The following ARMH4 variants were observed in gnomAD, a reference collection of about 807,000 sequenced individuals.
The protein encoded by ARMH4 is armadillo like helical domain containing 4, also known as armadillo-like helical domain-containing protein 4.
ARMH4 carries 49 observed loss-of-function variants against 61.9 expected under a neutral mutation model. The ratio of observed to expected loss-of-function variants is 0.79; its 90% CI spans 0.63 to 1.00. ARMH4 has a LOEUF of 1.00. Ranked by LOEUF, ARMH4 falls within the 50% of genes least tolerant of loss-of-function variation. The pLI, the probability that ARMH4 is intolerant of heterozygous loss-of-function variation, is 0.00. For synonymous variants in ARMH4, 368 were observed against 341.5 expected (o/e 1.08, Z -0.85); for missense variants, 934 against 930.0 (o/e 1.00, Z -0.06).
intron 5 of ARMH4, among the ~76,000 whole-genome samples, chr14:58,083,909 G>A (rs968164692): frequency 2.6e-5 from 4 of 152,070 alleles, no homozygotes; most frequent in Non-Finnish European, 4.4e-5. Flanking sequence ...CATTAATAAC[G>A]AGTTAAATAA....
chr14:58,065,489 C>A (rs971552381), intron 5 of ARMH4, among the ~76,000 whole-genome samples: 1 of 152,214 alleles, frequency 6.6e-6, no homozygotes, highest in Non-Finnish European at 1.5e-5. Context: ...ATACAGCATA[C>A]CCTCGACAGA....
intron 5 of ARMH4, among the ~76,000 whole-genome samples, chr14:58,053,621 C>T (rs1242782681): frequency 6.6e-6 from 1 of 152,168 alleles, no homozygotes; most frequent in Non-Finnish European, 1.5e-5. Context: ...ACCTAATATC[C>T]TTTATAGAAC....
intron 5 of ARMH4, among the ~76,000 whole-genome samples, chr14:58,015,565 A>C (rs990367656): frequency 6.6e-6 from 1 of 152,154 alleles, no homozygotes; most frequent in Non-Finnish European, 1.5e-5. Context: ...ATATTTATTT[A>C]AGTGAGTTCA....
chr14:58,062,047 G>A (rs1232323840), intron 5 of ARMH4, among the ~76,000 whole-genome samples: 2 of 152,008 alleles, frequency 1.3e-5, no homozygotes, highest in African/African-American at 4.8e-5. Context: ...CACTTAAGAA[G>A]AGCAAAGGTG....
At chr14:58,066,974 C>G (rs1884725226) in intron 5 of ARMH4, among the ~76,000 whole-genome samples, 1 of 152,028 alleles carries the variant, frequency 6.6e-6, no homozygotes, top group Non-Finnish European at 1.5e-5. Flanking sequence ...TTAGAGTGAC[C>G]TGATACAAAA....
chr14:58,104,048 C>T (rs1439209653), intron 4 of ARMH4, among the ~76,000 whole-genome samples: 2 of 152,194 alleles, frequency 1.3e-5, no homozygotes, highest in Non-Finnish European at 2.9e-5. Context: ...CCTAGCCCAA[C>T]AAGAAGGCTG....
In ARMH4 at chr14:58,096,769, G is replaced by C; in HGVS notation, c.2044C>G (p.Gln682Glu). 1 of 1,614,074 alleles carries C rather than the reference G, an allele frequency of 6.2e-7. No homozygotes were observed. Among genetic ancestry groups the C allele is most frequent in the South Asian group, 1.1e-5 (1 of 91,074 alleles). ...TCCCACTCGAGGGCATCTGGCACCT[G>C]GTAGGTAGCTCCCTCCAACAGGTCC... is the stretch of plus-strand genomic sequence containing the variant. ...NMDLLEGATY[Q>E]VPDALEWEQQ... The change falls in exon 5 of 8, where the codon CAG becomes GAG. Residue 682 changes from glutamine to glutamate, a missense_variant. Physicochemically the swap from Gln to Glu is conservative, Grantham distance 29. Transcript: ENST00000267485.
At chr14:58,072,912 C>T (rs1281595392) in intron 5 of ARMH4, among the ~76,000 whole-genome samples, 1 of 152,090 alleles carries the variant, frequency 6.6e-6, no homozygotes, top group Non-Finnish European at 1.5e-5. Flanking sequence ...TATCCCCATT[C>T]CATGGAGAAA....
At chr14:58,079,620 T>G (rs1057021736) in intron 5 of ARMH4, among the ~76,000 whole-genome samples, 7 of 152,246 alleles carry the variant, frequency 4.6e-5, no homozygotes, top group African/African-American at 1.7e-4. Context: ...GAGCTACTAC[T>G]GCTAAATTTA....
rs1594718301 is a variant in ARMH4 at position 58,044,878 on chromosome 14, C to T, written c.2090-32728G>A. Among the ~76,000 whole-genome samples, 3 of 152,162 alleles carry T rather than the reference C, an allele frequency of 2.0e-5. No homozygotes were observed. The South Asian group carries it at 6.2e-4, about 32-fold the overall frequency. On this transcript the variant is annotated intron_variant, in intron 5 of 7. Transcript: ENST00000267485. ...ATGAAAAAATGCTCATCGTCACTGG[C>T]CATCAGAGAAATGCAAATCAAAACC... is the stretch of plus-strand genomic sequence containing the variant.
At chr14:58,116,478 G>A (rs116978305) in intron 4 of ARMH4, 12,144 of 281,990 alleles carry the variant, frequency 0.043, 328 homozygotes, top group Middle Eastern at 0.095. Context: ...AGTTTGAGAC[G>A]AGCCTGGGCA....
intron 5 of ARMH4, among the ~76,000 whole-genome samples, chr14:58,030,806 T>C (rs569077143): frequency 6.6e-6 from 1 of 152,350 alleles, no homozygotes; most frequent in East Asian, 1.9e-4. Flanking sequence ...TTTTTAAGCA[T>C]ATGTCAGAAT....
At chr14:58,022,434 C>T (rs1400391743) in intron 5 of ARMH4, among the ~76,000 whole-genome samples, 5 of 152,220 alleles carry the variant, frequency 3.3e-5, no homozygotes, top group African/African-American at 1.2e-4. Flanking sequence ...AAGAGGTAGA[C>T]ATCTTTTGGG....
At chr14:58,068,409 C>T (rs531797194) in intron 5 of ARMH4, among the ~76,000 whole-genome samples, 2 of 152,316 alleles carry the variant, frequency 1.3e-5, no homozygotes, top group Non-Finnish European at 2.9e-5. Context: ...CAGAACGCCA[C>T]ATCCCTTGTG....
At chr14:58,063,115 G>C (rs12323810) in intron 5 of ARMH4, among the ~76,000 whole-genome samples, 45,862 of 152,062 alleles carry the variant, frequency 0.3, 7,721 homozygotes, top group Non-Finnish European at 0.38. Flanking sequence ...TCCTGGCTCT[G>C]GCAGCTCCAG....
At chr14:58,040,596 C>T (rs780665198) in intron 5 of ARMH4, among the ~76,000 whole-genome samples, 16 of 152,118 alleles carry the variant, frequency 1.1e-4, no homozygotes, top group Non-Finnish European at 2.2e-4. Context: ...CCATGTCTTT[C>T]CTATTGTGAA....
At chr14:58,048,706 C>CA (rs1884021621) in intron 5 of ARMH4, among the ~76,000 whole-genome samples, 1 of 152,112 alleles carries the variant, frequency 6.6e-6, no homozygotes, top group Admixed American at 6.5e-5. Context: ...TGAGTATAAG[C>CA]AAGGGGCAAA....
intron 5 of ARMH4, among the ~76,000 whole-genome samples, chr14:58,063,308 A>G (rs1884591059): frequency 6.6e-6 from 1 of 152,018 alleles, no homozygotes; most frequent in African/African-American, 2.4e-5. Flanking sequence ...CATCCTAATG[A>G]CCCCATCTTA....
chr14:58,063,779 G>A lies in ARMH4; in HGVS notation c.2089+32945C>T, dbSNP rs570979024. ...AATCAATGCCCATGTCAAGCTGCAC[G>A]GGTAGCTCTCAATCACACAGACTGA... On this transcript the variant is annotated intron_variant, in intron 5 of 7. Transcript: ENST00000267485. 2.0e-4 allele frequency among the ~76,000 whole-genome samples: 30 copies of A among 152,254 alleles called. 1 individual carries two copies. Among genetic ancestry groups the A allele is most frequent in the South Asian group, 6.2e-4 (3 of 4,824 alleles).
Sources: gnomAD v4.1 joint callset for allele counts (sites outside exome capture counted in the v4.1 genomes callset) on GRCh38, gnomAD v4.1.1 for gene constraint, MANE v1.5 for transcripts, NCBI Gene and HGNC (gene_info 2026-07-23, HGNC 2026-07-21) for gene names.